The following PDE8A variants were observed in gnomAD, a reference collection of about 807,000 sequenced individuals.
The protein encoded by PDE8A is high affinity cAMP-specific and IBMX-insensitive 3',5'-cyclic phosphodiesterase 8A.
In PDE8A, 59 loss-of-function variants were observed where a neutral mutation model predicts 105.0. That is an observed-to-expected ratio of 0.56 (90% CI 0.46 to 0.70). The LOEUF is 0.70. Ranked by LOEUF, PDE8A falls within the 30% of genes least tolerant of loss-of-function variation. PDE8A has a pLI of 0.00. For missense variants in PDE8A, 1,014 were observed against 1,045.9 expected (o/e 0.97, Z 0.42); for synonymous variants, 355 against 371.9 (o/e 0.95, Z 0.52).
chr15:85,139,085 C>T lies in PDE8A; in HGVS notation c.*1182C>T, dbSNP rs1258318342. 6.6e-6 allele frequency: 1 copy of T among 151,912 alleles called. No homozygotes were observed. The highest frequency in any genetic ancestry group is 1.5e-5 in the Non-Finnish European group (1 of 67,980). 9.4% of individuals were successfully genotyped at this position (151,912 alleles called of 1,614,324 possible). The stretch of plus-strand genomic sequence containing the variant: ...TGTATTTGTCATTTCATTTTAAACT[C>T]GTATTTGTGGTTTTTTTCCCAGATA... On this transcript the variant is annotated 3_prime_UTR_variant, in exon 22 of 22. Coordinates refer to ENST00000394553, the MANE Select transcript of PDE8A (RefSeq NM_002605.3).
At chr15:85,068,799 T>C (rs1400136497) in intron 3 of PDE8A, among the ~76,000 whole-genome samples, 1 of 152,162 alleles carries the variant, frequency 6.6e-6, no homozygotes, top group Non-Finnish European at 1.5e-5. Context: ...GCAATGAAAG[T>C]TCATACTTTT....
intron 11 of PDE8A, among the ~76,000 whole-genome samples, chr15:85,103,737 C>T (rs2081903525): frequency 6.6e-6 from 1 of 152,206 alleles, no homozygotes; most frequent in African/African-American, 2.4e-5. Flanking sequence ...CTTAGGGGGC[C>T]ACTGCTGTCA....
intron 2 of PDE8A, among the ~76,000 whole-genome samples, chr15:85,066,332 A>G (rs2141456707): frequency 6.6e-6 from 1 of 152,028 alleles, no homozygotes; most frequent in South Asian, 2.1e-4. Context: ...AGGCCACAGC[A>G]GGTGGATCAC....
chr15:85,128,780 A>G (rs991697574), intron 20 of PDE8A, among the ~76,000 whole-genome samples: 3 of 152,242 alleles, frequency 2.0e-5, no homozygotes, highest in African/African-American at 7.2e-5. Context: ...ACATGAAAAA[A>G]GTGCTGAACA....
intron 1 of PDE8A, among the ~76,000 whole-genome samples, chr15:85,017,412 C>T (rs1217037554): frequency 1.3e-5 from 2 of 151,914 alleles, no homozygotes; most frequent in African/African-American, 2.4e-5. Flanking sequence ...AGAGTTTTAC[C>T]TCTTTTCCAA....
intron 5 of PDE8A, among the ~76,000 whole-genome samples, chr15:85,079,533 G>A (rs1465310458): frequency 6.6e-6 from 1 of 152,212 alleles, no homozygotes; most frequent in Non-Finnish European, 1.5e-5. Context: ...GAAATAGGGA[G>A]TTTACAGCAA....
intron 9 of PDE8A, 120 bp from the exon 10 acceptor site, chr15:85,099,895 G>A: frequency 1.3e-6 from 1 of 747,290 alleles, no homozygotes; most frequent in Non-Finnish European, 2.3e-6. Flanking sequence ...GAGAAGAAAT[G>A]TTCTCAGAGC....
intron 1 of PDE8A, among the ~76,000 whole-genome samples, chr15:84,998,503 A>G (rs1031156637): frequency 6.6e-6 from 1 of 152,234 alleles, no homozygotes; most frequent in African/African-American, 2.4e-5. Flanking sequence ...GATTACTGCA[A>G]AATGGCTCTG....
chr15:84,999,520 T>C lies in PDE8A; in HGVS notation c.186+17172T>C, dbSNP rs148826715. ...AACTGCACTGGACACTTGCTGGTAA[T>C]GTGATGATGAATAAGACATGGCCTC... is the stretch of plus-strand genomic sequence containing the variant. On this transcript the variant is annotated intron_variant, in intron 1 of 21. Coordinates refer to ENST00000394553, the MANE Select transcript of PDE8A (RefSeq NM_002605.3). Among the ~76,000 whole-genome samples the C allele has an allele frequency of 5.1e-4, 78 of 152,232 alleles. 1 individual carries two copies. The highest frequency in any genetic ancestry group is 1.8e-3 in the Admixed American group (28 of 15,298).
chr15:85,064,360 T>A lies in PDE8A; in HGVS notation c.187-10T>A. 1.9e-6 allele frequency: 3 copies of A among 1,600,036 alleles called. No homozygotes were observed. The highest frequency in any genetic ancestry group is 2.6e-6 in the Non-Finnish European group (3 of 1,168,530). ...GTCTTTTCATTTTTAAGCCAATCTC[T>A]TTCTTACAGGTAGCAGTAGCTGATG... On this transcript the variant is annotated splice_polypyrimidine_tract_variant and intron_variant, in intron 1 of 21. Transcript: ENST00000394553.
intron 12 of PDE8A, among the ~76,000 whole-genome samples, chr15:85,111,048 G>C (rs1049743375): frequency 2.0e-5 from 3 of 152,092 alleles, no homozygotes; most frequent in South Asian, 4.2e-4. Context: ...GTGTCATTCA[G>C]GTCTTTTGCC....
In PDE8A at chr15:85,067,130, C is replaced by T. The variant is rs1245865869; in HGVS notation, c.360C>T (p.Phe120=). Residue 120 remains phenylalanine, a synonymous_variant, in exon 3 of 22, where the codon TTC becomes TTT. Coordinates refer to ENST00000394553, the MANE Select transcript of PDE8A (RefSeq NM_002605.3). ...TKEAQAVLAC[F]LDKHHDIIII... is the part of the protein sequence containing the mutation. ...AGGCTCAGGCTGTCCTTGCCTGTTT[C>T]CTGGACAAACATCATGACATTATCA... is the stretch of plus-strand genomic sequence containing the variant. 10 of 1,614,008 alleles carry T rather than the reference C, an allele frequency of 6.2e-6. No individual in the cohort carries two copies. Among genetic ancestry groups the T allele is most frequent in the Middle Eastern group, 3.3e-4 (2 of 6,060 alleles).
intron 1 of PDE8A, among the ~76,000 whole-genome samples, chr15:85,009,108 AGAGT>A (rs796996745): frequency 0.012 from 495 of 42,216 alleles, 1 homozygote; most frequent in East Asian, 0.093. Context: ...AGAGAGAGAG[AGAGT>A]GTGTGTGTGT....
Position 85,090,372 on chromosome 15 carries a change from C to G in PDE8A, c.715-672C>G, listed in dbSNP as rs1009245654. 8.5e-5 allele frequency among the ~76,000 whole-genome samples: 13 copies of G among 152,202 alleles called. 1 individual carries two copies. The highest frequency in any genetic ancestry group is 2.2e-4 in the African/African-American group (9 of 41,530). On this transcript the variant is annotated intron_variant, in intron 7 of 21. Coordinates refer to ENST00000394553, the MANE Select transcript of PDE8A (RefSeq NM_002605.3). ...ATAGTGCCCAGTGAGGAAAATGGAC[C>G]CTGACAGATAGTATCAATTATTGTT...
At chr15:84,996,292 C>T (rs1430808154) in intron 1 of PDE8A, among the ~76,000 whole-genome samples, 1 of 152,042 alleles carries the variant, frequency 6.6e-6, no homozygotes, top group Non-Finnish European at 1.5e-5. Flanking sequence ...ATCCTCCCAC[C>T]TTAGCCTCCT....
At chr15:84,996,119 T>C (rs1186106001) in intron 1 of PDE8A, among the ~76,000 whole-genome samples, 1 of 152,186 alleles carries the variant, frequency 6.6e-6, no homozygotes, top group African/African-American at 2.4e-5. Flanking sequence ...ACCTCTCATG[T>C]GCATTGCAAA....
intron 19 of PDE8A, among the ~76,000 whole-genome samples, chr15:85,124,425 GT>G (rs1023320626): frequency 2.6e-5 from 4 of 152,108 alleles, no homozygotes; most frequent in African/African-American, 9.7e-5. Flanking sequence ...GCAGCTCACA[GT>G]CTTCTCTCCC....
At chr15:85,023,589 G>A (rs1205482827) in intron 1 of PDE8A, among the ~76,000 whole-genome samples, 1 of 150,738 alleles carries the variant, frequency 6.6e-6, no homozygotes, top group Non-Finnish European at 1.5e-5. Context: ...ATTATTGGAG[G>A]AGGAATTAGG....
chr15:85,085,496 G>A lies in PDE8A; in HGVS notation c.635+1852G>A, dbSNP rs1201668963. Reference sequence around the variant, plus strand: ...GGGCGGATCACAAGGTCAGGAGTTCGAGACAAGCCTGGCCAACATGGCGAA... The same window carrying A: ...GGGCGGATCACAAGGTCAGGAGTTCAAGACAAGCCTGGCCAACATGGCGAA... On this transcript the variant is annotated intron_variant, in intron 6 of 21. Transcript: ENST00000394553. Among the ~76,000 whole-genome samples the A allele has an allele frequency of 3.9e-5, 6 of 152,018 alleles. No homozygotes were observed. In the South Asian group the frequency reaches 8.3e-4, roughly 21 times the overall value.
Sources: gnomAD v4.1 joint callset for allele counts (sites outside exome capture counted in the v4.1 genomes callset) on GRCh38, gnomAD v4.1.1 for gene constraint, MANE v1.5 for transcripts, NCBI Gene and HGNC (gene_info 2026-07-23, HGNC 2026-07-21) for gene names.